The following USP33 variants were observed in gnomAD, a reference collection of about 807,000 sequenced individuals.
USP33 encodes ubiquitin specific peptidase 33, also known as ubiquitin carboxyl-terminal hydrolase 33.
A neutral mutation model predicts 124.2 loss-of-function variants in USP33; 46 were observed. The ratio of observed to expected loss-of-function variants is 0.37; its 90% CI spans 0.29 to 0.47. USP33 has a LOEUF of 0.47. USP33 is among the 20% of genes least tolerant of loss of function. The pLI, the probability that USP33 is intolerant of heterozygous loss-of-function variation, is 0.99. For missense variants in USP33, 851 were observed against 1,070.6 expected (o/e 0.79, Z 2.86); for synonymous variants, 350 against 352.3 (o/e 0.99, Z 0.07).
At position 77,697,399 on chromosome 1, in the gene USP33, A is replaced by G; in HGVS notation, c.2654T>C (p.Ile885Thr). 1 of 1,613,624 alleles carries G rather than the reference A, an allele frequency of 6.2e-7. No individual in the cohort carries two copies. The highest frequency in any genetic ancestry group is 2.2e-5 in the East Asian group (1 of 44,854). The change falls in exon 24 of 24, where the codon ATC becomes ACC. Residue 885 changes from isoleucine (I) to threonine (T), a missense_variant. Transcript: ENST00000370794. ...AACATGAACAACCGGAGGTCGCAGG[A>G]TAACTTCAGGCCCTCCACCATAAAT... ...QSIYGGGPEV[I>T]LRPPVVHVDP...
intron 22 of USP33, among the ~76,000 whole-genome samples, chr1:77,700,374 G>A (rs1673869038): frequency 1.3e-5 from 2 of 152,164 alleles, no homozygotes; most frequent in African/African-American, 4.8e-5. Flanking sequence ...GGAGGCCAAG[G>A]TTGGTGCACT....
intron 21 of USP33, among the ~76,000 whole-genome samples, chr1:77,703,554 G>A (rs1008497081): frequency 3.3e-5 from 5 of 152,156 alleles, no homozygotes; most frequent in African/African-American, 1.2e-4. Flanking sequence ...AACCCGGGAC[G>A]AGAAGGTTGC....
chr1:77,699,940 G>A (rs940426477), intron 22 of USP33, among the ~76,000 whole-genome samples: 5 of 151,906 alleles, frequency 3.3e-5, no homozygotes, highest in South Asian at 2.1e-4. Flanking sequence ...ACTAATGCAA[G>A]AACAGAAAAC....
intron 8 of USP33, among the ~76,000 whole-genome samples, chr1:77,730,321 G>A (rs963492304): frequency 5.9e-5 from 9 of 152,148 alleles, no homozygotes; most frequent in African/African-American, 1.9e-4. Context: ...TTTTATCATT[G>A]TGAGAATGGC....
intron 1 of USP33, among the ~76,000 whole-genome samples, chr1:77,756,209 C>CT (rs1286019358): frequency 9.9e-5 from 15 of 152,260 alleles, no homozygotes; most frequent in African/African-American, 2.6e-4. Flanking sequence ...TCCCAAGTGA[C>CT]TGAGACTACA....
At chr1:77,707,771 C>G (rs1478625333) in intron 21 of USP33, among the ~76,000 whole-genome samples, 3 of 152,194 alleles carry the variant, frequency 2.0e-5, no homozygotes, top group Non-Finnish European at 4.4e-5. Context: ...GCTATAGATA[C>G]ATATTTCTTC....
rs1208172597 is a variant in USP33, at chr1:77,759,823, G to A, written c.-232C>T. 7.6e-6 allele frequency: 3 copies of A among 396,486 alleles called. No homozygotes were observed. The highest frequency in any genetic ancestry group is 8.9e-6 in the Non-Finnish European group (2 of 224,892). 24.6% of individuals were successfully genotyped at this position (396,486 alleles called of 1,614,324 possible). On this transcript the variant is annotated 5_prime_UTR_variant, in exon 1 of 24. Transcript: ENST00000370794. ...CCGCCTCCTGAACTGGCCACTTCCC[G>A]CAGCAGCCGCGGCTCCTTCCGGTGT...
chr1:77,705,865 C>T (rs79616258), intron 21 of USP33, among the ~76,000 whole-genome samples: 2,746 of 152,210 alleles, frequency 0.018, 66 homozygotes, highest in East Asian at 0.1. Flanking sequence ...TTTGTCTCCA[C>T]ACTTTTTCCC....
chr1:77,752,952 G>A (rs546955464), intron 1 of USP33, among the ~76,000 whole-genome samples: 11 of 152,094 alleles, frequency 7.2e-5, no homozygotes, highest in East Asian at 1.9e-4. Flanking sequence ...GGTGGTGTGC[G>A]TCTGTAGTCC....
intron 1 of USP33, among the ~76,000 whole-genome samples, chr1:77,748,784 C>CA (rs1396024188): frequency 6.8e-5 from 6 of 87,932 alleles, no homozygotes; most frequent in Non-Finnish European, 1.1e-4. Context: ...TTCCCTCCCC[C>CA]CCCCCCCCGT....
intron 1 of USP33, among the ~76,000 whole-genome samples, chr1:77,753,121 C>T (rs558772206): frequency 3.4e-4 from 52 of 151,912 alleles, no homozygotes; most frequent in Non-Finnish European, 5.1e-4. Flanking sequence ...ATTAACAGGA[C>T]GAAATTTAAT....
intron 20 of USP33, among the ~76,000 whole-genome samples, chr1:77,712,853 G>A (rs1262578831): frequency 6.6e-6 from 1 of 151,252 alleles, no homozygotes; most frequent in East Asian, 1.9e-4. Context: ...GCAAGACCTT[G>A]TCTCAAAAAA....
intron 5 of USP33, 140 bp from the exon 6 acceptor site, chr1:77,736,298 T>G: frequency 1.9e-6 from 1 of 514,912 alleles, no homozygotes; most frequent in Non-Finnish European, 3.3e-6. Context: ...TTTGTGGTAT[T>G]AGCAATTAAA....
At chr1:77,721,422 T>C (rs1676547791) in intron 14 of USP33, 3 of 586,020 alleles carry the variant, frequency 5.1e-6, no homozygotes. Flanking sequence ...ATCTTTTCCA[T>C]TTATTCATTG....
chr1:77,747,471 G>C (rs1463984372), intron 1 of USP33, among the ~76,000 whole-genome samples: 1 of 151,860 alleles, frequency 6.6e-6, no homozygotes, highest in East Asian at 1.9e-4. Context: ...TGACCAGGCT[G>C]GTCTCAAACT....
rs1681161500 is a variant in USP33 at position 77,759,790 on chromosome 1, C to T, written c.-199G>A. On this transcript the variant is annotated 5_prime_UTR_variant, in exon 1 of 24. Coordinates refer to ENST00000370794, the MANE Select transcript of USP33 (RefSeq NM_201624.3). ...GAAAACGGCCCCGCAGCGCTGCCCT[C>T]GGGGGGTCCGCCTCCTGAACTGGCC... is the stretch of plus-strand genomic sequence containing the variant. 1 of 397,566 alleles carries T rather than the reference C, an allele frequency of 2.5e-6. No individual in the cohort carries two copies. Among genetic ancestry groups the T allele is most frequent in the Non-Finnish European group, 4.4e-6 (1 of 225,442 alleles). 24.6% of individuals were successfully genotyped at this position (397,566 alleles called of 1,614,324 possible).
intron 7 of USP33, 79 bp downstream of exon 7, chr1:77,734,268 A>T: frequency 9.2e-7 from 1 of 1,087,716 alleles, no homozygotes; most frequent in African/African-American, 1.6e-5. Context: ...TTAGTCAACT[A>T]CTATAGTTGC....
At chr1:77,726,471 C>A (rs904996709) in intron 10 of USP33, among the ~76,000 whole-genome samples, 1 of 151,750 alleles carries the variant, frequency 6.6e-6, no homozygotes, top group South Asian at 2.1e-4. Flanking sequence ...TCATGAGACC[C>A]CCATCTCTAC....
intron 12 of USP33, among the ~76,000 whole-genome samples, chr1:77,723,075 T>C (rs1676754812): frequency 6.6e-6 from 1 of 152,328 alleles, no homozygotes; most frequent in South Asian, 2.1e-4. Context: ...TTCTCACCTT[T>C]ATATGTAACC....
Sources: gnomAD v4.1 joint callset for allele counts (sites outside exome capture counted in the v4.1 genomes callset) on GRCh38, gnomAD v4.1.1 for gene constraint, MANE v1.5 for transcripts, NCBI Gene and HGNC (gene_info 2026-07-23, HGNC 2026-07-21) for gene names.